The following SEC61A2 variants were observed in gnomAD, a reference collection of about 807,000 sequenced individuals.
SEC61A2 encodes the protein protein transport protein Sec61 subunit alpha isoform 2.
A neutral mutation model predicts 59.9 loss-of-function variants in SEC61A2; 28 were observed. That is an observed-to-expected ratio of 0.47 (90% CI 0.35 to 0.64). SEC61A2 has a LOEUF of 0.64. Among genes scored for constraint, SEC61A2 ranks in the 30% least tolerant of loss-of-function variants. The probability of loss-of-function intolerance (pLI) is 0.01; values close to 1 mark genes in which losing one functional copy is unlikely to be tolerated. For synonymous variants in SEC61A2, 202 were observed against 214.4 expected, an observed-to-expected ratio of 0.94 and a Z score of 0.50; for missense variants, 340 against 585.9, an observed-to-expected ratio of 0.58 and a Z score of 4.33.
In SEC61A2 at chr10:12,149,918, C is replaced by T; in HGVS notation, c.419C>T (p.Pro140Leu). ...VYVMTGMYGD[P>L]AEMGAGICLL... ...GTCATGACGGGGATGTATGGGGACC[C>T]TGCAGAAATGGGTGCCGGAATCTGT... Residue 140 changes from proline to leucine, a missense_variant, in exon 6 of 12, where the codon CCT (proline) becomes CTT (leucine). Physicochemically the swap from Pro to Leu is moderately conservative, Grantham distance 98 (BLOSUM62 -3). Coordinates refer to ENST00000298428, the MANE Select transcript of SEC61A2 (RefSeq NM_018144.4). This position sits in a 1 kb window ranked among gnomAD's most constrained non-coding sequence, Gnocchi z 5.2. 1 of 1,613,990 alleles carries T rather than the reference C, an allele frequency of 6.2e-7. No homozygotes were observed. The highest frequency in any genetic ancestry group is 8.5e-7 in the Non-Finnish European group (1 of 1,179,894).
At position 12,158,919 on chromosome 10, in the gene SEC61A2, G is replaced by A. The variant is rs1055036498; in HGVS notation, c.975+814G>A. Among the ~76,000 whole-genome samples, 3 of 151,924 alleles carry A rather than the reference G, an allele frequency of 2.0e-5. No homozygotes were observed. The highest frequency in any genetic ancestry group is 6.6e-5 in the Admixed American group (1 of 15,246). ...CTATTAACTAGACGGTAGAGACAGC[G>A]GTGCTGCTAGTAATATAATCCTATA... On this transcript the variant is annotated intron_variant, in intron 9 of 11. Coordinates refer to ENST00000298428, the MANE Select transcript of SEC61A2 (RefSeq NM_018144.4). This position sits in a 1 kb window ranked among gnomAD's most constrained non-coding sequence, Gnocchi z 5.7.
chr10:12,158,867 T>C lies in SEC61A2; in HGVS notation c.975+762T>C, dbSNP rs930041857. On this transcript the variant is annotated intron_variant, in intron 9 of 11. Coordinates refer to ENST00000298428, the MANE Select transcript of SEC61A2 (RefSeq NM_018144.4). This position sits in a 1 kb window ranked among gnomAD's most constrained non-coding sequence, Gnocchi z 5.7. Reference sequence around the variant, plus strand: ...GTCTGAATGGCAATAAGCCAGCTTGTGATGAGCTGGGCTAGAGATAGGCAT... The same window carrying C: ...GTCTGAATGGCAATAAGCCAGCTTGCGATGAGCTGGGCTAGAGATAGGCAT... Among the ~76,000 whole-genome samples the C allele has an allele frequency of 6.6e-6, 1 of 152,208 alleles. No individual in the cohort carries two copies. Among genetic ancestry groups the C allele is most frequent in the African/African-American group, 2.4e-5 (1 of 41,454 alleles).
rs1343531530 is a variant in SEC61A2, at chr10:12,155,278, A to G, written c.463-500A>G. 6.5e-6 allele frequency: 9 copies of G among 1,384,160 alleles called. No individual in the cohort carries two copies. Among genetic ancestry groups the G allele is most frequent in the Non-Finnish European group, 8.7e-6 (9 of 1,038,030 alleles). 85.7% of individuals were successfully genotyped at this position (1,384,160 alleles called of 1,614,324 possible). A position where few individuals can be genotyped will look rare whatever the true frequency, so the allele number is the denominator to read the frequency against. On this transcript the variant is annotated intron_variant, in intron 6 of 11. Coordinates refer to ENST00000298428, the MANE Select transcript of SEC61A2 (RefSeq NM_018144.4). The surrounding 1 kb of genome is among the most constrained non-coding windows in gnomAD (Gnocchi z 4.3). ...TCTGTACACATTTTATAGAGTATAC[A>G]TATATATAATATATATAATGCTTTT...
In SEC61A2 at chr10:12,144,525, G is replaced by A. The variant is rs74579003; in HGVS notation, c.220+1330G>A. Among the ~76,000 whole-genome samples, 5 of 152,270 alleles carry A rather than the reference G, an allele frequency of 3.3e-5. No individual in the cohort carries two copies. In the East Asian group the frequency reaches 9.6e-4, roughly 29 times the overall value. ...GTTCATATTGTGTGTCAGCCTTTGT[G>A]CAAGGTGCCGAGATTAGAGCAGTGA... On this transcript the variant is annotated intron_variant, in intron 4 of 11. Coordinates refer to ENST00000298428, the MANE Select transcript of SEC61A2 (RefSeq NM_018144.4).
At chr10:12,157,142 A>G (rs916605661) in intron 8 of SEC61A2, 75 bp downstream of exon 8, 32 of 1,407,542 alleles carry the variant, frequency 2.3e-5, no homozygotes, top group Middle Eastern at 1.8e-4. Flanking sequence ...GCCATCTGAC[A>G]TGCTGTTGTT....
At chr10:12,133,916 C>T (rs1833820990) in intron 2 of SEC61A2, among the ~76,000 whole-genome samples, 1 of 152,220 alleles carries the variant, frequency 6.6e-6, no homozygotes. Context: ...AATTCTTCAT[C>T]AAACTACAAA....
downstream of SEC61A2, chr10:12,166,819 T>C: frequency 2.1e-6 from 1 of 465,274 alleles, no homozygotes; most frequent in South Asian, 1.6e-5. Context: ...GTAGAACTGC[T>C]AGATGACAGG....
Position 12,157,022 on chromosome 10 carries a change from C to A in SEC61A2, c.732C>A (p.Asn244Lys). ...GGCAGAACTTACCCAATCTCATGAA[C>A]CTCATTGCTACAGTTTTTGTGTTTG... ...FYRQNLPNLM[N>K]LIATVFVFAV... Residue 244 changes from asparagine (N) to lysine (K), a missense_variant, in exon 8 of 12, where the codon AAC becomes AAA. Asn to Lys is a moderately conservative substitution (Grantham distance 94). Coordinates refer to ENST00000298428, the MANE Select transcript of SEC61A2 (RefSeq NM_018144.4). 2 of 1,614,152 alleles carry A rather than the reference C, an allele frequency of 1.2e-6. No homozygotes were observed. Among genetic ancestry groups the A allele is most frequent in the Non-Finnish European group, 1.7e-6 (2 of 1,180,008 alleles).
intron 3 of SEC61A2, among the ~76,000 whole-genome samples, chr10:12,139,197 G>A (rs1173549497): frequency 2.0e-5 from 3 of 151,774 alleles, no homozygotes; most frequent in Admixed American, 2.0e-4. Flanking sequence ...CCTGACCTCA[G>A]GTGATCTGCC....
chr10:12,164,272 A>G lies in SEC61A2; in HGVS notation c.1249A>G (p.Ile417Val), dbSNP rs770437154. The part of the protein sequence containing the change: ...TSMVHELNRY[I>V]PTAAAFGGLC... Reference sequence around the variant, plus strand: ...ACTTGGGGTTCTGTCTCCTAGGTACATCCCCACCGCAGCTGCGTTTGGCGG... The same window carrying G: ...ACTTGGGGTTCTGTCTCCTAGGTACGTCCCCACCGCAGCTGCGTTTGGCGG... Residue 417 changes from isoleucine to valine, a missense_variant, in exon 12 of 12, where the codon ATC becomes GTC. This residue lies in a region of SEC61A2 where 283 missense variants were observed against 483.2 expected (regional missense o/e 0.59). Coordinates refer to ENST00000298428, the MANE Select transcript of SEC61A2 (RefSeq NM_018144.4). This position sits in a 1 kb window ranked among gnomAD's most constrained non-coding sequence, Gnocchi z 7.3. 3.6e-5 allele frequency: 58 copies of G among 1,612,828 alleles called. No individual in the cohort carries two copies. The highest frequency in any genetic ancestry group is 2.0e-4 in the Middle Eastern group (1 of 4,992).
At position 12,162,419 on chromosome 10, in the gene SEC61A2, C is replaced by A; in HGVS notation, c.1244+130C>A. 2.3e-6 allele frequency: 2 copies of A among 875,236 alleles called. No individual in the cohort carries two copies. The highest frequency in any genetic ancestry group is 3.9e-6 in the Non-Finnish European group (2 of 509,826). 54.2% of individuals were successfully genotyped at this position (875,236 alleles called of 1,614,324 possible). ...TATTCACACAGATGAATCAAAATTT[C>A]ACACAAAACTTGTTTTCCATGTCAA... On this transcript the variant is annotated intron_variant, in intron 11 of 11. Transcript: ENST00000298428. This position sits in a 1 kb window ranked among gnomAD's most constrained non-coding sequence, Gnocchi z 6.1.
Position 12,153,767 on chromosome 10 carries a change from C to T in SEC61A2, c.463-2011C>T. 6.2e-7 allele frequency: 1 copy of T among 1,610,784 alleles called. No individual in the cohort carries two copies. The highest frequency in any genetic ancestry group is 2.2e-5 in the East Asian group (1 of 44,754). ...TACTAACATTGAAAATATGTGGATA[C>T]ACTGAAGAGCTATGATTGGATCAGT... is the stretch of plus-strand genomic sequence containing the variant. On this transcript the variant is annotated intron_variant, in intron 6 of 11. Coordinates refer to ENST00000298428, the MANE Select transcript of SEC61A2 (RefSeq NM_018144.4). This position sits in a 1 kb window ranked among gnomAD's most constrained non-coding sequence, Gnocchi z 5.2.
intron 3 of SEC61A2, among the ~76,000 whole-genome samples, chr10:12,138,591 GT>G (rs1564408047): frequency 6.6e-6 from 1 of 152,074 alleles, no homozygotes; most frequent in Non-Finnish European, 1.5e-5. Flanking sequence ...ACTTTGATTT[GT>G]TTTTTCTAGA....
rs925820646 is a variant in SEC61A2, at chr10:12,161,057, T to C, written c.1103T>C (p.Met368Thr). The change falls in exon 10 of 12, where the codon ATG (methionine) becomes ACG (threonine). Residue 368 changes from methionine to threonine, a missense_variant. Coordinates refer to ENST00000298428, the MANE Select transcript of SEC61A2 (RefSeq NM_018144.4). This position sits in a 1 kb window ranked among gnomAD's most constrained non-coding sequence, Gnocchi z 5.4. ...PVHVVVYIIF[M>T]LGSCAFFSKT... Reference sequence around the variant, plus strand: ...CATGTCGTTGTTTATATCATCTTCATGTTGGGGTCATGTGCATTCTTCTCT... The same window carrying C: ...CATGTCGTTGTTTATATCATCTTCACGTTGGGGTCATGTGCATTCTTCTCT... The C allele has an allele frequency of 1.9e-6, 3 of 1,614,122 alleles. No homozygotes were observed. The highest frequency in any genetic ancestry group is 1.3e-5 in the African/African-American group (1 of 75,068).
At chr10:12,167,992 A>G, downstream of SEC61A2, 1 of 1,158,352 alleles carries the variant, frequency 8.6e-7, no homozygotes, top group Non-Finnish European at 1.1e-6. Flanking sequence ...GCAAGATTAC[A>G]TTCCTAGCAT....
chr10:12,137,258 A>C (rs960407748), intron 3 of SEC61A2, among the ~76,000 whole-genome samples: 3 of 152,138 alleles, frequency 2.0e-5, no homozygotes, highest in Admixed American at 6.5e-5. Context: ...AAATTTTTGC[A>C]ATCTTGGGTT....
rs182121772 is a variant in SEC61A2, at chr10:12,143,712, A to G, written c.220+517A>G. On this transcript the variant is annotated intron_variant, in intron 4 of 11. Coordinates refer to ENST00000298428, the MANE Select transcript of SEC61A2 (RefSeq NM_018144.4). The surrounding 1 kb of genome is among the most constrained non-coding windows in gnomAD (Gnocchi z 4.8). Reference sequence around the variant, plus strand: ...CGCACCACTGCAATCCAGCCTGGGTAACAGAGTAAGACTCTGCCTCCAAAA... The same window carrying G: ...CGCACCACTGCAATCCAGCCTGGGTGACAGAGTAAGACTCTGCCTCCAAAA... Among the ~76,000 whole-genome samples, 1 of 152,182 alleles carries G rather than the reference A, an allele frequency of 6.6e-6. No individual in the cohort carries two copies. Among genetic ancestry groups the G allele is most frequent in the African/African-American group, 2.4e-5 (1 of 41,536 alleles).
At chr10:12,138,088 T>C (rs936414896) in intron 3 of SEC61A2, among the ~76,000 whole-genome samples, 1 of 152,120 alleles carries the variant, frequency 6.6e-6, no homozygotes. Flanking sequence ...CGAAAATCTA[T>C]TGAAATACTT....
At chr10:12,132,697 T>C (rs1437273795) in intron 1 of SEC61A2, among the ~76,000 whole-genome samples, 2 of 152,160 alleles carry the variant, frequency 1.3e-5, no homozygotes, top group Non-Finnish European at 2.9e-5. Context: ...TTCAGTTGTT[T>C]AAGGCAGTTC....
Sources: gnomAD v4.1 joint callset for allele counts (sites outside exome capture counted in the v4.1 genomes callset) on GRCh38, gnomAD v4.1.1 for gene constraint, gnomAD v4.1.1 regional missense constraint, Gnocchi (gnomAD v3.1) non-coding constraint, MANE v1.5 for transcripts, NCBI Gene and HGNC (gene_info 2026-07-23, HGNC 2026-07-21) for gene names.